Variants in ATP8B1 observed in about 807,000 individuals in gnomAD.
ATP8B1 encodes ATPase phospholipid transporting 8B1, also known as phospholipid-transporting ATPase IC.
A neutral mutation model predicts 149.9 loss-of-function variants in ATP8B1; 80 were observed. The ratio of observed to expected loss-of-function variants is 0.53; its 90% confidence interval spans 0.45 to 0.64. ATP8B1 has a LOEUF of 0.64. Among genes scored for constraint, ATP8B1 ranks in the 30% least tolerant of loss-of-function variants. The pLI is 0.00. For missense variants in ATP8B1, 1,247 were observed against 1,552.6 expected, an observed-to-expected ratio of 0.80 and a Z score of 3.31; for synonymous variants, 536 against 562.8, an observed-to-expected ratio of 0.95 and a Z score of 0.67.
intron 1 of ATP8B1, among the ~76,000 whole-genome samples, chr18:57,744,037 G>A (rs368246407): frequency 1.3e-5 from 2 of 152,146 alleles, no homozygotes; most frequent in African/African-American, 4.8e-5. Context: ...GGCCTGGGCC[G>A]AACGCGGTGG....
chr18:57,742,825 A>T (rs746381387), intron 1 of ATP8B1, among the ~76,000 whole-genome samples: 1 of 83,046 alleles, frequency 1.2e-5, no homozygotes, highest in Non-Finnish European at 2.4e-5. Flanking sequence ...CCCCATCTCT[A>T]TAAAAAAAAA....
intron 1 of ATP8B1, among the ~76,000 whole-genome samples, chr18:57,745,482 G>A (rs888386714): frequency 6.6e-6 from 1 of 151,974 alleles, no homozygotes; most frequent in Non-Finnish European, 1.5e-5. Flanking sequence ...ATGTTGGCAA[G>A]GCTGGTCTTG....
chr18:57,705,999 C>G (rs1444001753), intron 3 of ATP8B1, among the ~76,000 whole-genome samples: 1 of 152,188 alleles, frequency 6.6e-6, no homozygotes, highest in Non-Finnish European at 1.5e-5. Context: ...GTAGCTGAGA[C>G]TGTGGGCACA....
chr18:57,736,950 T>C (rs2079863037), intron 1 of ATP8B1: 1 of 152,194 alleles, frequency 6.6e-6, no homozygotes, highest in African/African-American at 2.4e-5. Flanking sequence ...GTGAAGGTAC[T>C]ATATGGAAAC....
At chr18:57,769,646 A>C (rs1471125216) in intron 1 of ATP8B1, among the ~76,000 whole-genome samples, 1 of 152,222 alleles carries the variant, frequency 6.6e-6, no homozygotes, top group Non-Finnish European at 1.5e-5. Context: ...GGACTATCTC[A>C]AATGGCAAGA....
chr18:57,787,860 C>CTATATAG (rs2080425139), intron 1 of ATP8B1, among the ~76,000 whole-genome samples: 2 of 152,006 alleles, frequency 1.3e-5, no homozygotes, highest in African/African-American at 4.8e-5. Flanking sequence ...CTAAAGGGAC[C>CTATATAG]TATATAGTAT....
At chr18:57,747,569 G>C (rs1337476582) in intron 1 of ATP8B1, among the ~76,000 whole-genome samples, 1 of 152,042 alleles carries the variant, frequency 6.6e-6, no homozygotes, top group Admixed American at 6.5e-5. Context: ...TTCCCACATG[G>C]CTCCTTTTCA....
intron 1 of ATP8B1, among the ~76,000 whole-genome samples, chr18:57,768,586 CA>C (rs5825235): frequency 0.025 from 2,407 of 96,952 alleles, 62 homozygotes; most frequent in African/African-American, 0.08. Flanking sequence ...GTTTACATGC[CA>C]AAAAAAAAAA....
intron 1 of ATP8B1, among the ~76,000 whole-genome samples, chr18:57,768,406 A>AAAAAG (rs1342654573): frequency 0.018 from 2,115 of 119,496 alleles, 42 homozygotes; most frequent in Non-Finnish European, 0.029. Flanking sequence ...AAAAAAAAAA[A>AAAAAG]AAAAGAAAAG....
chr18:57,761,570 C>T (rs1198216037), intron 1 of ATP8B1, among the ~76,000 whole-genome samples: 2 of 152,080 alleles, frequency 1.3e-5, no homozygotes, highest in Non-Finnish European at 2.9e-5. Context: ...CAGGTAAAGT[C>T]TGTCCCTGCA....
chr18:57,770,895 G>A (rs2080257917), intron 1 of ATP8B1, among the ~76,000 whole-genome samples: 1 of 152,160 alleles, frequency 6.6e-6, no homozygotes, highest in Non-Finnish European at 1.5e-5. Flanking sequence ...ACAGAGTCTC[G>A]CTCTGTCGCC....
chr18:57,738,351 C>T (rs928562243), intron 1 of ATP8B1, among the ~76,000 whole-genome samples: 5 of 152,160 alleles, frequency 3.3e-5, no homozygotes, highest in African/African-American at 9.7e-5. Context: ...AGACCGGATG[C>T]GGTGGCTCAC....
intron 15 of ATP8B1, among the ~76,000 whole-genome samples, chr18:57,679,914 C>T (rs956841755): frequency 1.3e-5 from 2 of 152,130 alleles, no homozygotes; most frequent in East Asian, 3.9e-4. Flanking sequence ...ATCCGCCTAC[C>T]TCAGACTCCC....
intron 15 of ATP8B1, among the ~76,000 whole-genome samples, chr18:57,675,420 A>G (rs1911532997): frequency 1.3e-5 from 2 of 152,206 alleles, no homozygotes; most frequent in African/African-American, 4.8e-5. Flanking sequence ...GCATATTGCC[A>G]TCCCTTTTTA....
chr18:57,743,543 T>C (rs2079938110), intron 1 of ATP8B1, among the ~76,000 whole-genome samples: 1 of 152,108 alleles, frequency 6.6e-6, no homozygotes, highest in Admixed American at 6.6e-5. Flanking sequence ...CTAGACGGTT[T>C]TTGAGCTGGG....
chr18:57,683,158 C>T (rs1227624307), intron 15 of ATP8B1, among the ~76,000 whole-genome samples: 3 of 152,124 alleles, frequency 2.0e-5, no homozygotes, highest in Non-Finnish European at 2.9e-5. Flanking sequence ...CATATTCCTT[C>T]TCTGGAAATT....
intron 1 of ATP8B1, among the ~76,000 whole-genome samples, chr18:57,767,260 G>A (rs1481935725): frequency 1.3e-5 from 2 of 152,174 alleles, no homozygotes; most frequent in East Asian, 3.9e-4. Context: ...GGGGAAGGGG[G>A]CAGTTGTACA....
In ATP8B1 at chr18:57,706,539, G is replaced by T; in HGVS notation, c.230C>A (p.Pro77His). 1 of 1,614,036 alleles carries T rather than the reference G, an allele frequency of 6.2e-7. No individual in the cohort carries two copies. Among genetic ancestry groups the T allele is most frequent in the Non-Finnish European group, 8.5e-7 (1 of 1,179,988 alleles). The change falls in exon 3 of 28, where the codon CCT (proline) becomes CAT (histidine). Residue 77 changes from proline to histidine, a missense_variant. Pro to His is a moderately conservative substitution (Grantham distance 77, BLOSUM62 -2). This residue lies in a region of ATP8B1 where 853 missense variants were observed against 1,035.7 expected (regional missense o/e 0.82). Transcript: ENST00000648908. ...KANDRKYHEQPHFMNTKFLCI... is the reference protein window; with the variant it reads ...KANDRKYHEQHHFMNTKFLCI... Reference sequence around the variant, plus strand: ...CAAGAATTTTGTGTTCATAAAGTGAGGTTGTTCGTGGTACTTGCGATCGTT... The same window carrying T: ...CAAGAATTTTGTGTTCATAAAGTGATGTTGTTCGTGGTACTTGCGATCGTT...
chr18:57,695,307 G>C lies in ATP8B1; in HGVS notation c.804C>G (p.Pro268=), dbSNP rs375897792. The C allele has an allele frequency of 6.2e-7, 1 of 1,603,998 alleles. No individual in the cohort carries two copies. Among genetic ancestry groups the C allele is most frequent in the Non-Finnish European group, 8.5e-7 (1 of 1,170,946 alleles). The change falls in exon 10 of 28, where the codon CCC becomes CCG. Residue 268 remains proline, a synonymous_variant. Transcript: ENST00000648908. ...CTGTAAACTTATCTAGTCTGTTATTGGGTTCTTCACATTCAATAAAACCTT... is the reference window on the plus strand; with the variant it reads ...CTGTAAACTTATCTAGTCTGTTATTCGGTTCTTCACATTCAATAAAACCTT... ...TFDGFIECEE[P]NNRLDKFTGT...
Sources: allele counts gnomAD v4.1 joint callset (sites outside exome capture counted in the v4.1 genomes callset), GRCh38; gene constraint gnomAD v4.1.1; regional missense constraint gnomAD v4.1.1; transcripts MANE v1.5; gene names NCBI Gene and HGNC (gene_info 2026-07-23, HGNC 2026-07-21).